Variants in KAT6B observed in about 807,000 individuals in gnomAD.
The protein encoded by KAT6B is histone acetyltransferase KAT6B.
A neutral mutation model predicts 187.5 loss-of-function variants in KAT6B; 10 were observed. The ratio of observed to expected loss-of-function variants is 0.05; its 90% confidence interval spans 0.03 to 0.09. KAT6B has a LOEUF of 0.09. Among genes scored for constraint, KAT6B ranks in the 10% least tolerant of loss-of-function variants. The probability of loss-of-function intolerance (pLI) is 1.00; values close to 1 mark genes in which losing one functional copy is unlikely to be tolerated. For missense variants in KAT6B, 1,952 were observed against 2,558.9 expected, an observed-to-expected ratio of 0.76 and a Z score of 5.12; for synonymous variants, 861 against 926.8, an observed-to-expected ratio of 0.93 and a Z score of 1.29.
At position 74,862,820 on chromosome 10, in the gene KAT6B, C is replaced by T. The variant is rs374153271; in HGVS notation, c.621+19342C>T. Among the ~76,000 whole-genome samples, 12 of 152,268 alleles carry T rather than the reference C, an allele frequency of 7.9e-5. No homozygotes were observed. In the East Asian group the frequency reaches 2.1e-3, roughly 27 times the overall value. On this transcript the variant is annotated intron_variant, in intron 3 of 17. Transcript: ENST00000287239. The stretch of plus-strand genomic sequence containing the variant: ...GCTACAGAGGTGGTGAGCTTGTCCT[C>T]AGCCTCAACAGAAAGGTCAGCTGAA...
chr10:74,965,133 T>C (rs905934037), intron 4 of KAT6B, among the ~76,000 whole-genome samples: 3 of 152,232 alleles, frequency 2.0e-5, no homozygotes, highest in African/African-American at 7.2e-5. Flanking sequence ...TGGGCTCTGG[T>C]TTAACCCCAT....
At chr10:74,852,485 A>G (rs191871266) in intron 3 of KAT6B, among the ~76,000 whole-genome samples, 3 of 152,340 alleles carry the variant, frequency 2.0e-5, no homozygotes, top group Admixed American at 1.3e-4. Flanking sequence ...TCACAATAGC[A>G]GTGTCTGAGG....
In KAT6B at chr10:75,004,981, C is replaced by T. The variant is rs116331436; in HGVS notation, c.2630-15601C>T. Among the ~76,000 whole-genome samples, 751 of 152,082 alleles carry T rather than the reference C, an allele frequency of 4.9e-3. 7 individuals are homozygous for T. Among genetic ancestry groups the T allele is most frequent in the African/African-American group, 0.017 (716 of 41,476 alleles). On this transcript the variant is annotated intron_variant, in intron 13 of 17. Transcript: ENST00000287239. ...GCTCCTGCCTCGGCCTCCCAAGGCA[C>T]TGGGATTACAGGTGTGAGCCACTAT... is the stretch of plus-strand genomic sequence containing the variant.
intron 3 of KAT6B, among the ~76,000 whole-genome samples, chr10:74,880,032 A>C (rs1371597872): frequency 6.6e-6 from 1 of 152,172 alleles, no homozygotes; most frequent in Non-Finnish European, 1.5e-5. Context: ...GTGAGACTCC[A>C]TCTCAAAAAA....
intron 11 of KAT6B, chr10:74,982,596 A>G (rs1455466647): frequency 6.5e-6 from 1 of 152,780 alleles, no homozygotes; most frequent in African/African-American, 2.4e-5. Flanking sequence ...AGTTTCAGGG[A>G]TTCCGTTAAG....
At chr10:74,870,112 T>G (rs1162051257) in intron 3 of KAT6B, among the ~76,000 whole-genome samples, 1 of 151,860 alleles carries the variant, frequency 6.6e-6, no homozygotes, top group East Asian at 1.9e-4. Flanking sequence ...AGACCCCACC[T>G]CTACAAAAAT....
chr10:74,889,491 T>C (rs2395120), intron 3 of KAT6B, among the ~76,000 whole-genome samples: 45,353 of 152,040 alleles, frequency 0.3, 12,204 homozygotes, highest in African/African-American at 0.71. Flanking sequence ...AACTCCAGAA[T>C]TCAGGGCCAG....
chr10:74,842,983 G>A lies in KAT6B; in HGVS notation c.126G>A (p.Leu42=). ...ATGCGGTCAGTACTTCCCATGGGTT[G>A]GATAAGAAGACAGTCTCTGAACAGC... is the stretch of plus-strand genomic sequence containing the variant. ...ICHAVSTSHG[L]DKKTVSEQLE... is the part of the protein sequence containing the mutation. The change falls in exon 3 of 18, where the codon TTG becomes TTA. Residue 42 remains leucine (L), a synonymous_variant. Coordinates refer to ENST00000287239, the MANE Select transcript of KAT6B (RefSeq NM_012330.4). The A allele has an allele frequency of 1.2e-6, 2 of 1,614,192 alleles. No homozygotes were observed. Among genetic ancestry groups the A allele is most frequent in the Non-Finnish European group, 8.5e-7 (1 of 1,180,040 alleles).
At chr10:74,930,384 T>C (rs1383933875) in intron 3 of KAT6B, among the ~76,000 whole-genome samples, 6 of 152,218 alleles carry the variant, frequency 3.9e-5, no homozygotes, top group Non-Finnish European at 7.3e-5. Context: ...AGTGTTCAGA[T>C]TGGAGTTTTG....
chr10:74,927,452 CTTTTTTTTTTT>C (rs11479404), intron 3 of KAT6B, among the ~76,000 whole-genome samples: 1,950 of 116,666 alleles, frequency 0.017, 15 homozygotes, highest in Middle Eastern at 0.029. Context: ...TGCAAGAAAC[CTTTTTTTTTTT>C]TTTTTTTTTG....
chr10:75,020,985 C>G, intron 14 of KAT6B, 141 bp from the exon 15 acceptor site: 2 of 989,080 alleles, frequency 2.0e-6, no homozygotes, highest in Non-Finnish European at 3.2e-6. Context: ...GGTTGGATTC[C>G]AGTGTTCTGT....
chr10:74,848,409 G>A lies in KAT6B; in HGVS notation c.621+4931G>A, dbSNP rs1589463633. On this transcript the variant is annotated intron_variant, in intron 3 of 17. Transcript: ENST00000287239. ...AATCCCAGCTACTCAGGAGGCTGAG[G>A]CACAAGAATTGTTTGAACCTGGGAG... 2.6e-5 allele frequency among the ~76,000 whole-genome samples: 4 copies of A among 152,242 alleles called. 2 individuals are homozygous for A. The highest frequency in any genetic ancestry group is 2.6e-4 in the Admixed American group (4 of 15,290).
chr10:75,015,554 A>C (rs1489538885), intron 13 of KAT6B, among the ~76,000 whole-genome samples: 1 of 152,218 alleles, frequency 6.6e-6, no homozygotes, highest in Non-Finnish European at 1.5e-5. Context: ...GAAACCAGGA[A>C]CAGATGAGCG....
In KAT6B at chr10:75,028,671, C is replaced by G. The variant is rs371747862; in HGVS notation, c.3847C>G (p.Pro1283Ala). 4.8e-5 allele frequency: 78 copies of G among 1,613,920 alleles called. No homozygotes were observed. Among genetic ancestry groups the G allele is most frequent in the Middle Eastern group, 3.3e-4 (2 of 6,084 alleles). Residue 1283 changes from proline to alanine, a missense_variant, in exon 18 of 18, where the codon CCT becomes GCT. By Grantham distance (27) the Pro-to-Ala change is conservative. Transcript: ENST00000287239. ...CACCCCGCCAGAAACACCCATGGAG[C>G]CTGACGAGCAGGTAACAGTGGAAGA... ...LYTPPETPME[P>A]DEQVTVEEQK...
Position 75,028,990 on chromosome 10 carries a change from A to T in KAT6B, c.4166A>T (p.Glu1389Val). 6.2e-7 allele frequency: 1 copy of T among 1,614,072 alleles called. No homozygotes were observed. Among genetic ancestry groups the T allele is most frequent in the Non-Finnish European group, 8.5e-7 (1 of 1,180,016 alleles). The change falls in exon 18 of 18, where the codon GAA becomes GTA. Residue 1389 changes from glutamate (E) to valine (V), a missense_variant. Physicochemically the swap from Glu to Val is moderately radical, Grantham distance 121. Around this residue, in one of 9 missense-constraint regions of KAT6B, gnomAD observed 758 missense variants for 891.4 expected, o/e 0.85. Coordinates refer to ENST00000287239, the MANE Select transcript of KAT6B (RefSeq NM_012330.4). ...EKDPDGAKSQ[E>V]KEEPEISTEK... Reference sequence around the variant, plus strand: ...GATCCAGATGGTGCTAAAAGCCAAGAAAAAGAGGAACCAGAAATCTCCACG... The same window carrying T: ...GATCCAGATGGTGCTAAAAGCCAAGTAAAAGAGGAACCAGAAATCTCCACG...
At chr10:74,939,442 C>T (rs147291533) in intron 3 of KAT6B, among the ~76,000 whole-genome samples, 3,666 of 151,776 alleles carry the variant, frequency 0.024, 147 homozygotes, top group African/African-American at 0.084. Context: ...TCTCTGTTGC[C>T]CAGGCTGGAG....
At chr10:75,000,296 T>C (rs1285695885) in intron 13 of KAT6B, among the ~76,000 whole-genome samples, 1 of 151,846 alleles carries the variant, frequency 6.6e-6, no homozygotes, top group Non-Finnish European at 1.5e-5. Flanking sequence ...AGCATGTGTA[T>C]GTACATCAGT....
chr10:74,933,954 G>C (rs1430388432), intron 3 of KAT6B, among the ~76,000 whole-genome samples: 1 of 152,100 alleles, frequency 6.6e-6, no homozygotes, highest in Non-Finnish European at 1.5e-5. Flanking sequence ...GGGAGGCCGA[G>C]GCGGGCAGAT....
intron 13 of KAT6B, among the ~76,000 whole-genome samples, chr10:74,995,670 C>T (rs937029432): frequency 6.6e-6 from 1 of 152,142 alleles, no homozygotes; most frequent in African/African-American, 2.4e-5. Flanking sequence ...GATTTCTTTT[C>T]TTTGACAGCT....
Sources: gnomAD v4.1 joint callset for allele counts (sites outside exome capture counted in the v4.1 genomes callset) on GRCh38, gnomAD v4.1.1 for gene constraint, gnomAD v4.1.1 regional missense constraint, MANE v1.5 for transcripts, NCBI Gene and HGNC (gene_info 2026-07-23, HGNC 2026-07-21) for gene names.